Variants in ATP8A1 observed in about 807,000 individuals in gnomAD.
ATP8A1 encodes the protein ATPase phospholipid transporting 8A1, also known as phospholipid-transporting ATPase IA.
A neutral mutation model predicts 177.7 loss-of-function variants in ATP8A1; 90 were observed. That is an observed-to-expected ratio of 0.51 (90% CI 0.43 to 0.60). ATP8A1 has a LOEUF of 0.60. ATP8A1 is among the 20% of genes least tolerant of loss of function. ATP8A1 has a pLI of 0.00. For missense variants in ATP8A1, 1,072 were observed against 1,392.8 expected (o/e 0.77, Z 3.67); for synonymous variants, 493 against 485.9 (o/e 1.01, Z -0.19).
At chr4:42,503,825 C>G (rs2153193531) in intron 23 of ATP8A1, among the ~76,000 whole-genome samples, 1 of 152,306 alleles carries the variant, frequency 6.6e-6, no homozygotes, top group East Asian at 1.9e-4. Flanking sequence ...ACATGAAGAG[C>G]AAAAGACAGG....
chr4:42,555,201 A>G (rs572032702), intron 16 of ATP8A1, among the ~76,000 whole-genome samples: 1 of 110,144 alleles, frequency 9.1e-6, no homozygotes, highest in Non-Finnish European at 1.9e-5. Context: ...TATCTATCCT[A>G]TTAGTTCTGC....
rs1343807896 is a variant in ATP8A1, at chr4:42,586,454, A to G, written c.617T>C (p.Ile206Thr). The G allele has an allele frequency of 1.2e-6, 2 of 1,614,078 alleles. No homozygotes were observed. The highest frequency in any genetic ancestry group is 2.2e-5 in the East Asian group (1 of 44,858). Residue 206 changes from isoleucine to threonine, a missense_variant, in exon 9 of 37, where the codon ATC becomes ACC. Transcript: ENST00000381668. ...IRQGLPATSD[I>T]KDVDSLMRIS... ...CCTCATCAAACTGTCAACGTCTTTG[A>G]TATCTGATGTTGCTGGTAAGCCCTG...
chr4:42,619,509 T>C (rs1737245170), intron 4 of ATP8A1, among the ~76,000 whole-genome samples: 1 of 152,018 alleles, frequency 6.6e-6, no homozygotes, highest in Admixed American at 6.6e-5. Flanking sequence ...CATAGTATGT[T>C]AAGTTATCTA....
chr4:42,489,884 A>G (rs1722570390), intron 24 of ATP8A1, among the ~76,000 whole-genome samples: 1 of 152,226 alleles, frequency 6.6e-6, no homozygotes, highest in Admixed American at 6.5e-5. Context: ...AAGTGAAAAT[A>G]TAGCAATGAG....
At chr4:42,472,705 G>A (rs1055422338) in intron 25 of ATP8A1, among the ~76,000 whole-genome samples, 7 of 147,912 alleles carry the variant, frequency 4.7e-5, no homozygotes, top group Non-Finnish European at 5.9e-5. Flanking sequence ...AGCTGAGATC[G>A]CGCCATCGCA....
chr4:42,578,537 G>T, intron 11 of ATP8A1, 150 bp from the exon 12 acceptor site: 1 of 840,876 alleles, frequency 1.2e-6, no homozygotes, highest in Non-Finnish European at 1.8e-6. Flanking sequence ...TAATTCTCAA[G>T]TACATCCTTC....
At chr4:42,546,302 A>C (rs1224381224) in intron 19 of ATP8A1, among the ~76,000 whole-genome samples, 4 of 151,988 alleles carry the variant, frequency 2.6e-5, no homozygotes, top group Non-Finnish European at 5.9e-5. Flanking sequence ...GAAGCTGGAA[A>C]CCATCATTCT....
chr4:42,653,188 CT>C (rs1741281279), intron 1 of ATP8A1, among the ~76,000 whole-genome samples: 1 of 152,196 alleles, frequency 6.6e-6, no homozygotes, highest in African/African-American at 2.4e-5. Context: ...GGCCAACTCC[CT>C]TATCTCCTTC....
chr4:42,524,962 C>T, intron 20 of ATP8A1, 115 bp from the exon 21 acceptor site: 1 of 573,196 alleles, frequency 1.7e-6, no homozygotes, highest in African/African-American at 1.9e-5. Flanking sequence ...TCTCTTTTGG[C>T]ATTCGTTTTA....
At chr4:42,423,546 G>C (rs1311273360) in intron 34 of ATP8A1, 71 bp downstream of exon 34, 1 of 1,084,288 alleles carries the variant, frequency 9.2e-7, no homozygotes, top group East Asian at 2.6e-5. Context: ...TTGAGTTGAT[G>C]TTACCAAGAG....
chr4:42,414,888 A>G (rs1349992366), intron 35 of ATP8A1, 170 bp from the exon 36 acceptor site: 1 of 596,380 alleles, frequency 1.7e-6, no homozygotes, highest in East Asian at 2.9e-5. Context: ...AATTTCAAGT[A>G]TTTAGACAGA....
intron 5 of ATP8A1, among the ~76,000 whole-genome samples, chr4:42,609,423 C>T (rs541193851): frequency 6.6e-6 from 1 of 152,342 alleles, no homozygotes; most frequent in South Asian, 2.1e-4. Context: ...CTTTCTCCTG[C>T]TCACAGTCAT....
chr4:42,629,441 G>C (rs183193267), intron 1 of ATP8A1, among the ~76,000 whole-genome samples: 44 of 152,332 alleles, frequency 2.9e-4, no homozygotes, highest in Admixed American at 2.5e-3. Context: ...TCGCTCTGTT[G>C]TGCCCTGACC....
intron 15 of ATP8A1, chr4:42,556,279 C>T (rs1730225725): frequency 3.1e-6 from 1 of 322,960 alleles, no homozygotes; most frequent in African/African-American, 2.1e-5. Flanking sequence ...TTTTACAGTT[C>T]ATTTTTTCTG....
At chr4:42,463,555 G>A (rs1719402591) in intron 27 of ATP8A1, among the ~76,000 whole-genome samples, 1 of 152,186 alleles carries the variant, frequency 6.6e-6, no homozygotes, top group African/African-American at 2.4e-5. Context: ...CAGTAATACA[G>A]CAAGTTCCTG....
At chr4:42,487,971 G>C (rs79421361) in intron 24 of ATP8A1, among the ~76,000 whole-genome samples, 2,329 of 152,226 alleles carry the variant, frequency 0.015, 65 homozygotes, top group African/African-American at 0.053. Flanking sequence ...GAGAGTAGCT[G>C]TTTTAATTTA....
chr4:42,472,747 CAAA>C (rs11315234), intron 25 of ATP8A1, among the ~76,000 whole-genome samples: 7 of 111,028 alleles, frequency 6.3e-5, no homozygotes, highest in Admixed American at 1.9e-4. Flanking sequence ...GAGACTGTCT[CAAA>C]AAAAAAAAAA....
chr4:42,457,342 A>G (rs1718595104), intron 27 of ATP8A1, among the ~76,000 whole-genome samples: 1 of 152,180 alleles, frequency 6.6e-6, no homozygotes, highest in African/African-American at 2.4e-5. Flanking sequence ...ATGTAAATAC[A>G]TATTTGGGAT....
chr4:42,529,739 C>G (rs1419239461), intron 20 of ATP8A1, among the ~76,000 whole-genome samples: 1 of 152,154 alleles, frequency 6.6e-6, no homozygotes, highest in Non-Finnish European at 1.5e-5. Flanking sequence ...ACAGCTGAAG[C>G]ACGACAGCCC....
Sources: allele counts gnomAD v4.1 joint callset (sites outside exome capture counted in the v4.1 genomes callset), GRCh38; gene constraint gnomAD v4.1.1; transcripts MANE v1.5; gene names NCBI Gene and HGNC (gene_info 2026-07-23, HGNC 2026-07-21).